The following POC1B variants were observed in gnomAD, a reference collection of about 807,000 sequenced individuals.
The protein encoded by POC1B is POC1 centriolar protein B.
POC1B carries 44 observed loss-of-function variants against 60.6 expected under a neutral mutation model. That is an observed-to-expected ratio of 0.73 (90% CI 0.57 to 0.93). The LOEUF (loss-of-function observed/expected upper bound fraction) is 0.93, where lower values mean the gene tolerates loss of function less well. Ranked by LOEUF, POC1B falls within the 40% of genes least tolerant of loss-of-function variation. The pLI is 0.00. For missense variants in POC1B, 555 were observed against 572.3 expected (o/e 0.97, Z 0.31); for synonymous variants, 180 against 198.9 (o/e 0.90, Z 0.80).
chr12:89,411,339 C>T, the POC1B span, among the ~76,000 whole-genome samples: 3 of 152,216 alleles, frequency 2.0e-5, no homozygotes, highest in African/African-American at 4.8e-5. Flanking sequence ...AGAACAAAGC[C>T]GGAGGCATCA....
intron 4 of POC1B, among the ~76,000 whole-genome samples, chr12:89,490,066 TGA>T (rs1360751653): frequency 6.6e-6 from 1 of 152,106 alleles, no homozygotes; most frequent in African/African-American, 2.4e-5. Flanking sequence ...CCAGCACATT[TGA>T]GAGAATGGAG....
In POC1B at chr12:89,492,129, G is replaced by C; in HGVS notation, c.273-14C>G. The stretch of plus-strand genomic sequence containing the variant: ...AATTTTCCTCTCCTGGAAATAAACA[G>C]TTTAATATTTATAACTCATTTGATT... On this transcript the variant is annotated splice_polypyrimidine_tract_variant and intron_variant, in intron 3 of 11. Coordinates refer to ENST00000313546, the MANE Select transcript of POC1B (RefSeq NM_172240.3). The C allele has an allele frequency of 2.6e-6, 4 of 1,517,000 alleles. No individual in the cohort carries two copies. In the African/African-American group the frequency reaches 4.2e-5, roughly 16 times the overall value. The allele number at this position is 1,517,000 out of a possible 1,614,324, so 94.0% of individuals were successfully genotyped here.
At chr12:89,402,471 G>T in the POC1B span, among the ~76,000 whole-genome samples, 1 of 151,844 alleles carries the variant, frequency 6.6e-6, no homozygotes, top group Non-Finnish European at 1.5e-5. Context: ...TGTTACCCAG[G>T]TATTAAGCCC....
At chr12:89,416,244 A>T (rs1880362083), downstream of POC1B, among the ~76,000 whole-genome samples, 1 of 152,216 alleles carries the variant, frequency 6.6e-6, no homozygotes, top group South Asian at 2.1e-4. Flanking sequence ...CAGAATGCTG[A>T]GGAAGCACAA....
chr12:89,452,400 A>C (rs1882081794), intron 10 of POC1B, among the ~76,000 whole-genome samples: 1 of 152,104 alleles, frequency 6.6e-6, no homozygotes, highest in South Asian at 2.1e-4. Context: ...TCCTTTTGTA[A>C]ATTTTCCTTT....
chr12:89,478,473 A>G (rs1181531108), intron 4 of POC1B, among the ~76,000 whole-genome samples: 2 of 152,140 alleles, frequency 1.3e-5, no homozygotes, highest in Non-Finnish European at 2.9e-5. Context: ...ATAGAATATA[A>G]GCAAGAAGAG....
intron 2 of POC1B, chr12:89,501,528 A>G (rs1445648970): frequency 2.6e-5 from 28 of 1,078,902 alleles, no homozygotes; most frequent in Non-Finnish European, 3.2e-5. Context: ...GTGCTTCCAA[A>G]ATACAGATGC....
intron 2 of POC1B, chr12:89,521,789 G>A: frequency 7.8e-6 from 3 of 385,630 alleles, no homozygotes; most frequent in Non-Finnish European, 9.2e-6. Flanking sequence ...CAATTGCCAA[G>A]GCAGTCTTTT....
intron 2 of POC1B, among the ~76,000 whole-genome samples, chr12:89,518,515 A>G (rs1870585153): frequency 6.6e-6 from 1 of 152,306 alleles, no homozygotes; most frequent in South Asian, 2.1e-4. Flanking sequence ...ATTTTTAAAA[A>G]CTGAGATATT....
chr12:89,420,967 T>C lies in POC1B; in HGVS notation c.*186A>G, dbSNP rs1646989656. The C allele has an allele frequency of 2.2e-6, 1 of 447,684 alleles. No individual in the cohort carries two copies. The highest frequency in any genetic ancestry group is 4.0e-6 in the Non-Finnish European group (1 of 250,306). 27.7% of individuals were successfully genotyped at this position (447,684 alleles called of 1,614,324 possible). A position where few individuals can be genotyped will look rare whatever the true frequency, so the allele number is the denominator to read the frequency against. ...TTTAAATTAGTCCTTCACATTGATA[T>C]GTGTTTAAATTAGTCCTTAGGTATG... is the stretch of plus-strand genomic sequence containing the variant. On this transcript the variant is annotated 3_prime_UTR_variant, in exon 12 of 12. Coordinates refer to ENST00000313546, the MANE Select transcript of POC1B (RefSeq NM_172240.3).
At chr12:89,514,398 A>ATTCCTTT (rs1870338120) in intron 2 of POC1B, among the ~76,000 whole-genome samples, 3 of 37,868 alleles carry the variant, frequency 7.9e-5, no homozygotes, top group African/African-American at 2.9e-4. Context: ...AGTTTCATGT[A>ATTCCTTT]TTTCTTTTTT....
At position 89,455,062 on chromosome 12, in the gene POC1B, G is replaced by A. The variant is rs1324505010; in HGVS notation, c.1113+4576C>T. On this transcript the variant is annotated intron_variant, in intron 10 of 11. Transcript: ENST00000313546. ...TATACCTCGCTTTCCCTCCAGGCAC[G>A]GTGGCTCATGCCTATAATCTCAGCA... 2.6e-5 allele frequency among the ~76,000 whole-genome samples: 4 copies of A among 152,238 alleles called. No homozygotes were observed. In the East Asian group the frequency reaches 7.7e-4, roughly 29 times the overall value.
intron 4 of POC1B, among the ~76,000 whole-genome samples, chr12:89,484,125 A>T (rs1490799434): frequency 6.6e-6 from 1 of 152,204 alleles, no homozygotes; most frequent in Non-Finnish European, 1.5e-5. Context: ...GTTACCACAA[A>T]ACAAAAAAGA....
intron 2 of POC1B, chr12:89,522,398 G>A (rs1565763022): frequency 5.3e-6 from 2 of 380,860 alleles, no homozygotes. Context: ...AAATAGCAAT[G>A]GCTCAAACTG....
At chr12:89,426,223 G>C (rs985784023) in intron 10 of POC1B, 1 of 152,212 alleles carries the variant, frequency 6.6e-6, no homozygotes, top group Non-Finnish European at 1.5e-5. Flanking sequence ...GAGGTTACCA[G>C]GGGCTGGAGG....
intron 2 of POC1B, among the ~76,000 whole-genome samples, chr12:89,511,524 T>C (rs1050667321): frequency 6.6e-6 from 1 of 152,186 alleles, no homozygotes; most frequent in Non-Finnish European, 1.5e-5. Context: ...CTCCATTATG[T>C]CCTACTATAA....
chr12:89,497,027 G>GT, intron 3 of POC1B, 144 bp downstream of exon 3: 5 of 817,680 alleles, frequency 6.1e-6, no homozygotes, highest in Non-Finnish European at 9.4e-6. Context: ...GTATGAATTA[G>GT]TTTGACTTTA....
rs186489432 is a variant in POC1B, at chr12:89,472,646, C to T, written c.453-371G>A. 3.2e-3 allele frequency: 544 copies of T among 170,782 alleles called. 7 individuals carry two copies. The highest frequency in any genetic ancestry group is 4.4e-3 in the Non-Finnish European group (353 of 80,858). The allele number at this position is 170,782 out of a possible 1,614,324, so 10.6% of individuals were successfully genotyped here. A position where few individuals can be genotyped will look rare whatever the true frequency, so the allele number is the denominator to read the frequency against. On this transcript the variant is annotated intron_variant, in intron 4 of 11. Coordinates refer to ENST00000313546, the MANE Select transcript of POC1B (RefSeq NM_172240.3). ...TATTTCTGTCACTTGCCAGCATTAT[C>T]CATATGATTCAAGAGAGAGCCTTTA... is the stretch of plus-strand genomic sequence containing the variant.
the POC1B span, among the ~76,000 whole-genome samples, chr12:89,404,983 GTGGCAACCCA>G: frequency 6.6e-6 from 1 of 152,158 alleles, no homozygotes; most frequent in Admixed American, 6.5e-5. Context: ...AAGTAGATCA[GTGGCAACCCA>G]TGGTGAGCAC....
Sources: allele counts gnomAD v4.1 joint callset (sites outside exome capture counted in the v4.1 genomes callset), GRCh38; gene constraint gnomAD v4.1.1; transcripts MANE v1.5; gene names NCBI Gene and HGNC (gene_info 2026-07-23, HGNC 2026-07-21).